The following TRAPPC9 variants were observed in gnomAD, a reference collection of about 807,000 sequenced individuals.
TRAPPC9 encodes the protein trafficking protein particle complex subunit 9.
In TRAPPC9, 83 loss-of-function variants were observed where a neutral mutation model predicts 124.0. That is an observed-to-expected ratio of 0.67 (90% CI 0.56 to 0.80). The LOEUF is 0.80. TRAPPC9 is among the 30% of genes least tolerant of loss of function. TRAPPC9 has a pLI of 0.00. For missense variants in TRAPPC9, 1,302 were observed against 1,508.3 expected (o/e 0.86, Z 2.27); for synonymous variants, 638 against 617.5 (o/e 1.03, Z -0.49).
intron 18 of TRAPPC9, among the ~76,000 whole-genome samples, chr8:140,009,791 C>T (rs972338902): frequency 5.3e-5 from 8 of 152,250 alleles, no homozygotes; most frequent in South Asian, 2.1e-4. Context: ...CAACCTGCTA[C>T]ATTTATGCTT....
At chr8:139,905,960 G>A (rs1831332835) in intron 20 of TRAPPC9, among the ~76,000 whole-genome samples, 1 of 151,886 alleles carries the variant, frequency 6.6e-6, no homozygotes, top group South Asian at 2.1e-4. Context: ...CGGGCGTGGT[G>A]GTGTACATCT....
chr8:140,181,417 C>T (rs973749728), intron 17 of TRAPPC9, among the ~76,000 whole-genome samples: 4 of 152,176 alleles, frequency 2.6e-5, no homozygotes, highest in African/African-American at 9.6e-5. Flanking sequence ...CCTGACAAGA[C>T]GTCCAGTTAA....
chr8:140,196,991 C>T (rs1280058701), intron 17 of TRAPPC9, among the ~76,000 whole-genome samples: 2 of 152,178 alleles, frequency 1.3e-5, no homozygotes, highest in Admixed American at 6.5e-5. Flanking sequence ...CTTTTATATC[C>T]ACAGCGCATA....
chr8:139,980,053 C>A (rs1836784687), intron 19 of TRAPPC9, among the ~76,000 whole-genome samples: 1 of 151,836 alleles, frequency 6.6e-6, no homozygotes, highest in Non-Finnish European at 1.5e-5. Flanking sequence ...GCAGGTACCC[C>A]CCAGTGACAT....
intron 16 of TRAPPC9, among the ~76,000 whole-genome samples, chr8:140,227,985 G>T (rs2063494718): frequency 6.6e-6 from 1 of 152,172 alleles, no homozygotes; most frequent in Non-Finnish European, 1.5e-5. Flanking sequence ...TTCCAGAAAA[G>T]CTCACCAGCC....
At chr8:140,082,748 A>C (rs1301502522) in intron 17 of TRAPPC9, among the ~76,000 whole-genome samples, 1 of 152,226 alleles carries the variant, frequency 6.6e-6, no homozygotes, top group Non-Finnish European at 1.5e-5. Flanking sequence ...AACAAAATAC[A>C]TCAAAATGGT....
At chr8:139,864,348 T>C (rs1446809706) in intron 21 of TRAPPC9, among the ~76,000 whole-genome samples, 1 of 152,226 alleles carries the variant, frequency 6.6e-6, no homozygotes, top group East Asian at 1.9e-4. Context: ...TAAAAATTCC[T>C]GCAAGATGAA....
chr8:139,960,358 T>A (rs541482916), intron 19 of TRAPPC9, among the ~76,000 whole-genome samples: 1 of 152,092 alleles, frequency 6.6e-6, no homozygotes, highest in Non-Finnish European at 1.5e-5. Flanking sequence ...TTGGGGTGAG[T>A]CTGCCCAGCA....
intron 21 of TRAPPC9, among the ~76,000 whole-genome samples, chr8:139,755,618 T>G (rs374117341): frequency 0.02 from 502 of 24,696 alleles, 1 homozygote; most frequent in African/African-American, 0.034. Flanking sequence ...AGGGTTGGGG[T>G]ATAAGGACAG....
chr8:139,779,251 C>A (rs1326528874), intron 21 of TRAPPC9, among the ~76,000 whole-genome samples: 1 of 152,030 alleles, frequency 6.6e-6, no homozygotes. Flanking sequence ...ATTCTGAACC[C>A]AGCAAAAAAC....
chr8:140,106,094 C>G (rs570238768), intron 17 of TRAPPC9, among the ~76,000 whole-genome samples: 1 of 150,930 alleles, frequency 6.6e-6, no homozygotes, highest in Non-Finnish European at 1.5e-5. Flanking sequence ...TGACAAAGTG[C>G]GGGATGATGA....
Position 140,334,800 on chromosome 8 carries a change from G to A in TRAPPC9, c.1496-23426C>T, listed in dbSNP as rs112193434. On this transcript the variant is annotated intron_variant, in intron 9 of 22. Coordinates refer to ENST00000438773, the MANE Select transcript of TRAPPC9 (RefSeq NM_001160372.4). Reference sequence around the variant, plus strand: ...GAGTCTGTAATCTAGTGAGGGAATCGGATAGGTAAATTATTCTGAAGGTAT... The same window carrying A: ...GAGTCTGTAATCTAGTGAGGGAATCAGATAGGTAAATTATTCTGAAGGTAT... Among the ~76,000 whole-genome samples the A allele has an allele frequency of 1.2e-3, 184 of 152,130 alleles. 2 individuals carry two copies. Among genetic ancestry groups the A allele is most frequent in the African/African-American group, 4.3e-3 (177 of 41,452 alleles).
At chr8:139,804,897 T>C (rs1237825219) in intron 21 of TRAPPC9, among the ~76,000 whole-genome samples, 1 of 152,050 alleles carries the variant, frequency 6.6e-6, no homozygotes, top group Non-Finnish European at 1.5e-5. Flanking sequence ...GGGAGGAGTA[T>C]AAAATTCAAC....
chr8:139,975,927 C>CTT (rs528679775), intron 19 of TRAPPC9, among the ~76,000 whole-genome samples: 7,556 of 95,428 alleles, frequency 0.079, 627 homozygotes, highest in Middle Eastern at 0.2. Context: ...AAAGGACAGT[C>CTT]TTTTTTTTTT....
chr8:140,226,603 A>AG (rs1271540873), intron 16 of TRAPPC9, among the ~76,000 whole-genome samples: 4 of 151,462 alleles, frequency 2.6e-5, no homozygotes, highest in African/African-American at 4.8e-5. Context: ...AAAAAAAAAA[A>AG]AAAGAAAGAA....
Position 139,762,468 on chromosome 8 carries a change from C to T in TRAPPC9, c.3056-30266G>A, listed in dbSNP as rs572062654. Among the ~76,000 whole-genome samples, 34 of 152,226 alleles carry T rather than the reference C, an allele frequency of 2.2e-4. No homozygotes were observed. The South Asian group carries it at 5.0e-3, about 22-fold the overall frequency. On this transcript the variant is annotated intron_variant, in intron 21 of 22. Transcript: ENST00000438773. Reference sequence around the variant, plus strand: ...AGGTCAAGCCTCTACACACCGAGGCCGTGTGGTGGAGCCCATTGCTTCTAG... The same window carrying T: ...AGGTCAAGCCTCTACACACCGAGGCTGTGTGGTGGAGCCCATTGCTTCTAG...
At chr8:140,378,691 C>A (rs935938594) in intron 7 of TRAPPC9, among the ~76,000 whole-genome samples, 1 of 152,092 alleles carries the variant, frequency 6.6e-6, no homozygotes, top group Non-Finnish European at 1.5e-5. Context: ...TTTTCTATTT[C>A]ATTCTTTTGC....
chr8:139,774,568 G>A (rs375075341), intron 21 of TRAPPC9, among the ~76,000 whole-genome samples: 5 of 152,128 alleles, frequency 3.3e-5, no homozygotes, highest in African/African-American at 9.7e-5. Flanking sequence ...CAGCTGTGCC[G>A]CGTCCTCCCT....
chr8:139,728,836 A>G lies in TRAPPC9; in HGVS notation c.*2225T>C, dbSNP rs1339126358. The stretch of plus-strand genomic sequence containing the variant: ...GAGGTTCTTCCTTCTTGTGGCATCC[A>G]GCATTTTCTCTGGTAACTGTTGTGG... On this transcript the variant is annotated 3_prime_UTR_variant, in exon 23 of 23. Coordinates refer to ENST00000438773, the MANE Select transcript of TRAPPC9 (RefSeq NM_001160372.4). Among the ~76,000 whole-genome samples, 1 of 152,212 alleles carries G rather than the reference A, an allele frequency of 6.6e-6. No individual in the cohort carries two copies. The highest frequency in any genetic ancestry group is 6.5e-5 in the Admixed American group (1 of 15,280).
Sources: gnomAD v4.1 joint callset for allele counts (sites outside exome capture counted in the v4.1 genomes callset) on GRCh38, gnomAD v4.1.1 for gene constraint, MANE v1.5 for transcripts, NCBI Gene and HGNC (gene_info 2026-07-23, HGNC 2026-07-21) for gene names.